The following CAMTA1 variants were observed in gnomAD, a reference collection of about 807,000 sequenced individuals.
CAMTA1 encodes the protein calmodulin-binding transcription activator 1.
In CAMTA1, 27 loss-of-function variants were observed where a neutral mutation model predicts 170.9. That is an observed-to-expected ratio of 0.16 (90% CI 0.12 to 0.22). The LOEUF (loss-of-function observed/expected upper bound fraction) is 0.22, where lower values mean the gene tolerates loss of function less well. CAMTA1 is among the 10% of genes least tolerant of loss of function. The pLI is 1.00. For missense variants in CAMTA1, 1,619 were observed against 2,217.2 expected (o/e 0.73, Z 5.42); for synonymous variants, 833 against 891.5 (o/e 0.93, Z 1.17).
chr1:6,866,237 A>G (rs375526524), intron 3 of CAMTA1, among the ~76,000 whole-genome samples: 2 of 152,242 alleles, frequency 1.3e-5, no homozygotes, highest in Admixed American at 6.5e-5. Context: ...TTGGTACCCC[A>G]CATTATAATC....
intron 3 of CAMTA1, among the ~76,000 whole-genome samples, chr1:6,893,903 G>A (rs997753420): frequency 6.6e-6 from 1 of 152,184 alleles, no homozygotes; most frequent in Admixed American, 6.5e-5. Flanking sequence ...GGTGACCCAG[G>A]CATCCAAATA....
chr1:7,687,726 G>A (rs572760358), intron 11 of CAMTA1, among the ~76,000 whole-genome samples: 4 of 152,180 alleles, frequency 2.6e-5, no homozygotes, highest in South Asian at 2.1e-4. Context: ...CCCTGGGCTC[G>A]TGGAGATGTC....
chr1:7,388,366 G>A (rs571659010), intron 5 of CAMTA1: 1 of 152,332 alleles, frequency 6.6e-6, no homozygotes, highest in African/African-American at 2.4e-5. Context: ...TTCTGGGTGA[G>A]CCAGACAAAA....
In CAMTA1 at chr1:6,965,180, G is replaced by C. The variant is rs1239311819; in HGVS notation, c.235-126124G>C. Among the ~76,000 whole-genome samples the C allele has an allele frequency of 6.6e-6, 1 of 152,158 alleles. No individual in the cohort carries two copies. On this transcript the variant is annotated intron_variant, in intron 3 of 22. Coordinates refer to ENST00000303635, the MANE Select transcript of CAMTA1 (RefSeq NM_015215.4). This position sits in a 1 kb window ranked among gnomAD's most constrained non-coding sequence, Gnocchi z 4.1. ...AGCCACTTCGGGAAAAGTAGTGAGTGTGGTATGAGCATGAGTGTGTGTGTA... is the reference window on the plus strand; with the variant it reads ...AGCCACTTCGGGAAAAGTAGTGAGTCTGGTATGAGCATGAGTGTGTGTGTA...
At chr1:7,128,327 C>G (rs1573293414) in intron 4 of CAMTA1, among the ~76,000 whole-genome samples, 1 of 152,174 alleles carries the variant, frequency 6.6e-6, no homozygotes, top group Non-Finnish European at 1.5e-5. Context: ...CAGTGACTCA[C>G]CAAACCTGGG....
chr1:7,573,395 C>CA (rs1434748314), intron 6 of CAMTA1, among the ~76,000 whole-genome samples: 2 of 152,194 alleles, frequency 1.3e-5, no homozygotes, highest in Admixed American at 6.5e-5. Context: ...TCAGCGGGGC[C>CA]ACAGCTGCTT....
intron 3 of CAMTA1, among the ~76,000 whole-genome samples, chr1:6,843,005 T>G (rs762673938): frequency 2.0e-5 from 3 of 152,090 alleles, no homozygotes; most frequent in Non-Finnish European, 2.9e-5. Flanking sequence ...AAATGTACAG[T>G]TATATTATTA....
chr1:7,214,937 C>G (rs1187812044), intron 4 of CAMTA1, among the ~76,000 whole-genome samples: 2 of 151,282 alleles, frequency 1.3e-5, no homozygotes, highest in Non-Finnish European at 2.9e-5. Context: ...ACAAAGCTAT[C>G]TTGAATTAAT....
intron 9 of CAMTA1, among the ~76,000 whole-genome samples, chr1:7,667,336 G>A (rs891758559): frequency 1.3e-5 from 2 of 152,194 alleles, no homozygotes; most frequent in African/African-American, 4.8e-5. Context: ...AAAGGGACAG[G>A]GAGGAGGCCA....
intron 4 of CAMTA1, among the ~76,000 whole-genome samples, chr1:7,199,602 C>T (rs1342684704): frequency 6.6e-6 from 1 of 152,164 alleles, no homozygotes; most frequent in Non-Finnish European, 1.5e-5. Flanking sequence ...GCGGTGGGCA[C>T]GCCCAGCCCT....
intron 4 of CAMTA1, among the ~76,000 whole-genome samples, chr1:7,098,243 A>G (rs1436791452): frequency 6.6e-6 from 1 of 152,258 alleles, no homozygotes; most frequent in Non-Finnish European, 1.5e-5. Flanking sequence ...GGAACTATGC[A>G]GGAAAAAGGA....
At chr1:6,938,861 GGCTGTGGCCACC>G (rs1685921690) in intron 3 of CAMTA1, among the ~76,000 whole-genome samples, 1 of 152,194 alleles carries the variant, frequency 6.6e-6, no homozygotes, top group Non-Finnish European at 1.5e-5. Flanking sequence ...CACATGACAG[GGCTGTGGCCACC>G]AGAAGATGGA....
At chr1:7,021,290 G>A (rs1006719311) in intron 3 of CAMTA1, among the ~76,000 whole-genome samples, 1 of 152,246 alleles carries the variant, frequency 6.6e-6, no homozygotes, top group African/African-American at 2.4e-5. Flanking sequence ...CGGGGTCTCT[G>A]CTGGGCTGGA....
At chr1:7,096,690 G>A (rs1343419892) in intron 4 of CAMTA1, among the ~76,000 whole-genome samples, 1 of 152,086 alleles carries the variant, frequency 6.6e-6, no homozygotes, top group Admixed American at 6.5e-5. Context: ...CCTCATTTTC[G>A]TATGTTTTCC....
chr1:7,329,780 T>C (rs2082907961), intron 5 of CAMTA1, among the ~76,000 whole-genome samples: 1 of 152,240 alleles, frequency 6.6e-6, no homozygotes. Flanking sequence ...ATGCTAAGGC[T>C]TGCAAAACTA....
At chr1:6,875,550 G>T (rs1378413111) in intron 3 of CAMTA1, among the ~76,000 whole-genome samples, 1 of 152,142 alleles carries the variant, frequency 6.6e-6, no homozygotes, top group East Asian at 1.9e-4. Context: ...CTCCCGATGT[G>T]CTGGGATTAT....
chr1:7,475,416 C>T (rs2093405028), intron 6 of CAMTA1, among the ~76,000 whole-genome samples: 1 of 152,198 alleles, frequency 6.6e-6, no homozygotes, highest in African/African-American at 2.4e-5. Context: ...GACCCATGTG[C>T]TTCAAGGAAA....
chr1:7,268,678 C>G (rs1385077635), intron 5 of CAMTA1, among the ~76,000 whole-genome samples: 1 of 152,144 alleles, frequency 6.6e-6, no homozygotes, highest in Non-Finnish European at 1.5e-5. Context: ...ATGCAAGTGC[C>G]TAACAAAGCT....
At chr1:7,320,022 A>G (rs1260275909) in intron 5 of CAMTA1, among the ~76,000 whole-genome samples, 2 of 152,178 alleles carry the variant, frequency 1.3e-5, no homozygotes, top group African/African-American at 4.8e-5. Context: ...GGTATTTTCT[A>G]CATATACAAT....
Sources: gnomAD v4.1 joint callset for allele counts (sites outside exome capture counted in the v4.1 genomes callset) on GRCh38, gnomAD v4.1.1 for gene constraint, Gnocchi (gnomAD v3.1) non-coding constraint, MANE v1.5 for transcripts, NCBI Gene and HGNC (gene_info 2026-07-23, HGNC 2026-07-21) for gene names.